RFX4: variants seen among roughly 807,000 people sequenced by gnomAD.
RFX4 encodes the protein transcription factor RFX4.
In RFX4, 10 loss-of-function variants were observed where a neutral mutation model predicts 95.0. That is an observed-to-expected ratio of 0.11 (90% CI 0.06 to 0.18). The LOEUF is 0.18. Among genes scored for constraint, RFX4 ranks in the 10% least tolerant of loss-of-function variants. The pLI is 1.00. For missense variants in RFX4, 640 were observed against 922.0 expected (o/e 0.69, Z 3.96); for synonymous variants, 321 against 340.7 (o/e 0.94, Z 0.64).
chr12:106,704,252 C>T (rs935255378), intron 8 of RFX4, among the ~76,000 whole-genome samples: 1 of 152,146 alleles, frequency 6.6e-6, no homozygotes, highest in Non-Finnish European at 1.5e-5. Flanking sequence ...TACAGCATTA[C>T]ATAAGATAAG....
At chr12:106,649,805 G>C (rs1344565885) in intron 3 of RFX4, among the ~76,000 whole-genome samples, 1 of 152,128 alleles carries the variant, frequency 6.6e-6, no homozygotes, top group Non-Finnish European at 1.5e-5. Context: ...TCTGGTAGTG[G>C]AGAATGGAGC....
chr12:106,693,138 A>G, intron 7 of RFX4: 1 of 439,600 alleles, frequency 2.3e-6, no homozygotes, highest in South Asian at 1.6e-5. Flanking sequence ...TTTCATGCCT[A>G]ACTTCCAAGC....
At chr12:106,749,231 G>A (rs1283199099) in intron 16 of RFX4, among the ~76,000 whole-genome samples, 2 of 150,298 alleles carry the variant, frequency 1.3e-5, no homozygotes, top group East Asian at 3.9e-4. Context: ...ATTCCAGCCT[G>A]GAGAATAGAG....
rs1339013437 is a variant in RFX4, at chr12:106,589,813, T to C, written c.43+6450T>C. Among the ~76,000 whole-genome samples, 3 of 152,240 alleles carry C rather than the reference T, an allele frequency of 2.0e-5. No individual in the cohort carries two copies. The East Asian group carries it at 5.8e-4, about 29-fold the overall frequency. The stretch of plus-strand genomic sequence containing the variant: ...AGAGAAAACCCCTCTGAAGGAATCC[T>C]GTGACTCCGCCTTTAAGGGGGATTT... On this transcript the variant is annotated intron_variant, in intron 1 of 17. Coordinates refer to ENST00000392842, the MANE Select transcript of RFX4 (RefSeq NM_213594.3).
At chr12:106,718,574 G>C (rs573032288) in intron 11 of RFX4, among the ~76,000 whole-genome samples, 47 of 152,092 alleles carry the variant, frequency 3.1e-4, no homozygotes, top group Non-Finnish European at 5.9e-4. Flanking sequence ...ATGACCCTCT[G>C]GTCTCAGAAT....
intron 2 of RFX4, among the ~76,000 whole-genome samples, chr12:106,611,194 A>G (rs1449860839): frequency 6.6e-6 from 1 of 152,174 alleles, no homozygotes; most frequent in Non-Finnish European, 1.5e-5. Context: ...GGAGTTCTTC[A>G]CATATTCTGG....
At chr12:106,702,177 A>G (rs2042004983) in intron 8 of RFX4, among the ~76,000 whole-genome samples, 1 of 152,018 alleles carries the variant, frequency 6.6e-6, no homozygotes. Flanking sequence ...TAGTCTGGTT[A>G]TGTTGATTGT....
At position 106,712,004 on chromosome 12, in the gene RFX4, G is replaced by A. The variant is rs141118129; in HGVS notation, c.993+493G>A. Among the ~76,000 whole-genome samples the A allele has an allele frequency of 2.5e-4, 38 of 152,248 alleles. No individual in the cohort carries two copies. The East Asian group carries it at 2.7e-3, about 11-fold the overall frequency. On this transcript the variant is annotated intron_variant, in intron 10 of 17. Coordinates refer to ENST00000392842, the MANE Select transcript of RFX4 (RefSeq NM_213594.3). ...GTAAAAGTGGAAGATCCCACTCCAT[G>A]CCCCTATCAACTCTGTAGTTATAGC...
intron 1 of RFX4, among the ~76,000 whole-genome samples, chr12:106,584,884 T>C (rs1195959530): frequency 2.0e-5 from 3 of 152,272 alleles, no homozygotes; most frequent in East Asian, 3.9e-4. Context: ...TTCTCCTTCC[T>C]ATACTCGATG....
intron 16 of RFX4, among the ~76,000 whole-genome samples, chr12:106,750,322 T>C (rs954257994): frequency 6.6e-6 from 1 of 151,458 alleles, no homozygotes; most frequent in Non-Finnish European, 1.5e-5. Flanking sequence ...ATTAAAAATA[T>C]AAAAATTAGC....
intron 5 of RFX4, among the ~76,000 whole-genome samples, chr12:106,685,464 T>C (rs566437381): frequency 1.3e-5 from 2 of 152,174 alleles, no homozygotes; most frequent in East Asian, 3.9e-4. Flanking sequence ...GGGGATTTTG[T>C]GAGATTAAAT....
intron 17 of RFX4, among the ~76,000 whole-genome samples, chr12:106,757,710 T>G (rs2043136040): frequency 6.6e-6 from 1 of 152,250 alleles, no homozygotes; most frequent in East Asian, 1.9e-4. Flanking sequence ...TTTGTGCTCC[T>G]GACTGGGCCA....
At chr12:106,672,629 T>G (rs1448748602) in intron 4 of RFX4, among the ~76,000 whole-genome samples, 1 of 152,204 alleles carries the variant, frequency 6.6e-6, no homozygotes, top group African/African-American at 2.4e-5. Context: ...CTGAGCAGCC[T>G]GAGCGGGGCT....
chr12:106,708,911 G>T (rs1338526522), intron 8 of RFX4, among the ~76,000 whole-genome samples: 1 of 152,206 alleles, frequency 6.6e-6, no homozygotes, highest in Non-Finnish European at 1.5e-5. Context: ...ATGGCGAGCA[G>T]TTTGGTAAGC....
intron 8 of RFX4, among the ~76,000 whole-genome samples, chr12:106,705,896 C>A (rs948469509): frequency 7.9e-5 from 12 of 152,252 alleles, no homozygotes; most frequent in African/African-American, 2.9e-4. Context: ...CAGTGATAAG[C>A]AAAACAGACA....
At chr12:106,628,900 C>G (rs1175832903) in intron 2 of RFX4, among the ~76,000 whole-genome samples, 1 of 151,764 alleles carries the variant, frequency 6.6e-6, no homozygotes, top group Admixed American at 6.6e-5. Flanking sequence ...GCTAGGATTA[C>G]AGGCATGCAC....
chr12:106,583,919 G>C (rs2039413288), intron 1 of RFX4, among the ~76,000 whole-genome samples: 1 of 152,236 alleles, frequency 6.6e-6, no homozygotes, highest in Non-Finnish European at 1.5e-5. Context: ...GGTGGTCCGG[G>C]GGAATCCGCA....
Position 106,747,444 on chromosome 12 carries a change from G to A in RFX4, c.1641G>A (p.Met547Ile). ...CTTAATTTGTCTCTGCAGGAGCAAT[G>A]CAGTCTTACACGTGGTCTCTAACAT... ...EYTGLSTTGA[M>I]QSYTWSLTYT... Residue 547 changes from methionine to isoleucine, a missense_variant, in exon 16 of 18, where the codon ATG (methionine) becomes ATA (isoleucine). Physicochemically the swap from Met to Ile is conservative, Grantham distance 10 (BLOSUM62 1). Transcript: ENST00000392842. The A allele has an allele frequency of 6.2e-7, 1 of 1,614,014 alleles. No homozygotes were observed. Among genetic ancestry groups the A allele is most frequent in the Non-Finnish European group, 8.5e-7 (1 of 1,179,920 alleles).
rs2039896890 is a variant in RFX4 at position 106,608,893 on chromosome 12, T to G, written c.130+10T>G. 2.5e-6 allele frequency: 4 copies of G among 1,606,084 alleles called. No individual in the cohort carries two copies. Among genetic ancestry groups the G allele is most frequent in the Non-Finnish European group, 3.4e-6 (4 of 1,177,210 alleles). On this transcript the variant is annotated intron_variant, in intron 2 of 17. Transcript: ENST00000392842. The stretch of plus-strand genomic sequence containing the variant: ...GTTTCTAATGATGAAAGTAAGTGCT[T>G]GAAACTCATTCTTCCATGACATCCC...
Sources: allele counts gnomAD v4.1 joint callset (sites outside exome capture counted in the v4.1 genomes callset), GRCh38; gene constraint gnomAD v4.1.1; transcripts MANE v1.5; gene names NCBI Gene and HGNC (gene_info 2026-07-23, HGNC 2026-07-21).